The following SRGAP2B variants were observed in gnomAD, a reference collection of about 807,000 sequenced individuals.
SRGAP2B encodes SLIT-ROBO Rho GTPase-activating protein 2B.
SRGAP2B carries 9 observed loss-of-function variants against 22.2 expected under a neutral mutation model. The observed-to-expected ratio is 0.41, with a 90% confidence interval of 0.24 to 0.71. SRGAP2B has a LOEUF of 0.71. Ranked by LOEUF, SRGAP2B falls within the 30% of genes least tolerant of loss-of-function variation. The probability of loss-of-function intolerance (pLI) is 0.35; values close to 1 mark genes in which losing one functional copy is unlikely to be tolerated. For missense variants in SRGAP2B, 114 were observed against 235.8 expected, an observed-to-expected ratio of 0.48 and a Z score of 3.38; for synonymous variants, 36 against 87.4, an observed-to-expected ratio of 0.41 and a Z score of 3.28.
intron 3 of SRGAP2B, among the ~76,000 whole-genome samples, chr1:144,965,534 T>C (rs1668018098): frequency 6.9e-6 from 1 of 144,210 alleles, no homozygotes; most frequent in Non-Finnish European, 1.5e-5. Context: ...ACCTCAAAGA[T>C]GGGGAAAAAA....
chr1:145,001,846 T>C (rs1671193702), intron 2 of SRGAP2B, among the ~76,000 whole-genome samples: 1 of 150,346 alleles, frequency 6.7e-6, no homozygotes, highest in African/African-American at 2.5e-5. Flanking sequence ...CATGGCAAAA[T>C]CCCAGCTCTA....
intron 2 of SRGAP2B, among the ~76,000 whole-genome samples, chr1:145,080,317 G>T (rs1652810844): frequency 6.7e-6 from 1 of 148,216 alleles, no homozygotes; most frequent in South Asian, 2.1e-4. Flanking sequence ...CAGCTGTGAG[G>T]CACATCTTCC....
At position 144,986,803 on chromosome 1, in the gene SRGAP2B, T is replaced by C. The variant is rs57957261; in HGVS notation, c.260+8205A>G. Among the ~76,000 whole-genome samples, 4 of 149,508 alleles carry C rather than the reference T, an allele frequency of 2.7e-5. 1 individual carries two copies. The highest frequency in any genetic ancestry group is 6.6e-5 in the Admixed American group (1 of 15,056). Reference sequence around the variant, plus strand: ...CCCGAACCCTGTCGCCTGGCATTCATAGACCTCTTTAATCTTCTGGCCCCT... The same window carrying C: ...CCCGAACCCTGTCGCCTGGCATTCACAGACCTCTTTAATCTTCTGGCCCCT... On this transcript the variant is annotated intron_variant, in intron 3 of 9. Coordinates refer to ENST00000612199, the Ensembl canonical transcript of SRGAP2B.
chr1:144,983,194 C>T (rs1301350797), intron 3 of SRGAP2B, among the ~76,000 whole-genome samples: 1 of 142,206 alleles, frequency 7.0e-6, no homozygotes, highest in Non-Finnish European at 1.5e-5. Context: ...ACCTTCTGGT[C>T]TTCCACCCTT....
At chr1:145,065,295 G>A (rs1356209381) in intron 2 of SRGAP2B, among the ~76,000 whole-genome samples, 2 of 150,830 alleles carry the variant, frequency 1.3e-5, no homozygotes, top group African/African-American at 2.5e-5. Flanking sequence ...AAGCCTTGGA[G>A]AACTGCAACT....
chr1:144,922,710 C>A (rs1553604473), intron 4 of SRGAP2B, among the ~76,000 whole-genome samples: 1 of 150,322 alleles, frequency 6.7e-6, no homozygotes, highest in Non-Finnish European at 1.5e-5. Context: ...TATGGTTCGA[C>A]TGTGGGCATA....
intron 2 of SRGAP2B, among the ~76,000 whole-genome samples, chr1:145,008,832 C>T (rs1353465366): frequency 7.2e-6 from 1 of 138,296 alleles, no homozygotes; most frequent in Non-Finnish European, 1.5e-5. Flanking sequence ...CTAGATGAAA[C>T]TTATTAGTGG....
chr1:144,996,231 A>G (rs1265268308), intron 2 of SRGAP2B, among the ~76,000 whole-genome samples: 1 of 150,560 alleles, frequency 6.6e-6, no homozygotes, highest in Non-Finnish European at 1.5e-5. Flanking sequence ...GAAGGCTTGC[A>G]GTGTGTATCC....
At chr1:144,910,437 T>C (rs1663337407) in intron 5 of SRGAP2B, among the ~76,000 whole-genome samples, 1 of 146,854 alleles carries the variant, frequency 6.8e-6, no homozygotes, top group Non-Finnish European at 1.5e-5. Context: ...GTTGAGGGAC[T>C]ATTAAGTGCC....
intron 2 of SRGAP2B, among the ~76,000 whole-genome samples, chr1:145,090,014 A>T (rs1280941360): frequency 6.8e-6 from 1 of 146,410 alleles, no homozygotes; most frequent in Non-Finnish European, 1.5e-5. Context: ...CAAGATTTAA[A>T]CCTGAATCAC....
intron 2 of SRGAP2B, among the ~76,000 whole-genome samples, chr1:145,030,117 C>T (rs1648098671): frequency 6.7e-6 from 1 of 148,696 alleles, no homozygotes; most frequent in Non-Finnish European, 1.5e-5. Context: ...CCCTTTTGTT[C>T]TTACTCTCCT....
At chr1:144,988,742 T>C (rs1553616459) in intron 3 of SRGAP2B, among the ~76,000 whole-genome samples, 1 of 150,012 alleles carries the variant, frequency 6.7e-6, no homozygotes, top group African/African-American at 2.5e-5. Flanking sequence ...CAGTATGCCA[T>C]CTCCACCTGG....
intron 4 of SRGAP2B, among the ~76,000 whole-genome samples, chr1:144,924,593 G>T (rs1553347416): frequency 6.6e-6 from 1 of 150,632 alleles, no homozygotes; most frequent in African/African-American, 2.5e-5. Context: ...TTAGCCGGGC[G>T]TAGTGGCGGG....
intron 3 of SRGAP2B, among the ~76,000 whole-genome samples, chr1:144,956,102 T>C (rs1667236473): frequency 6.7e-6 from 1 of 150,292 alleles, no homozygotes; most frequent in Admixed American, 6.6e-5. Flanking sequence ...CTGAAGTCCA[T>C]CATTTTAGCC....
intron 4 of SRGAP2B, among the ~76,000 whole-genome samples, chr1:144,924,731 CAA>C (rs1156257790): frequency 1.0e-4 from 6 of 58,200 alleles, no homozygotes; most frequent in Non-Finnish European, 1.0e-4. Flanking sequence ...AACTCCGTCT[CAA>C]AAAAAAAAAA....
intron 2 of SRGAP2B, among the ~76,000 whole-genome samples, chr1:144,996,270 G>C (rs1223444299): frequency 2.0e-5 from 3 of 149,042 alleles, no homozygotes; most frequent in Non-Finnish European, 3.0e-5. Flanking sequence ...ATCCCCATCT[G>C]AGTCAGAATG....
intron 2 of SRGAP2B, among the ~76,000 whole-genome samples, chr1:145,007,053 T>C (rs1465498068): frequency 2.0e-5 from 3 of 149,982 alleles, no homozygotes; most frequent in East Asian, 3.9e-4. Context: ...TGGATTGTTA[T>C]GAAGAATAAA....
chr1:144,891,679 T>C (rs1662122637), exon 10 of SRGAP2B: 1 of 94,320 alleles, frequency 1.1e-5, no homozygotes, highest in Non-Finnish European at 2.0e-5. Flanking sequence ...ATGTGCAAAA[T>C]AGTAATGCTG....
In SRGAP2B at chr1:145,068,907, G is replaced by A. The variant is rs1486790633; in HGVS notation, c.67+23928C>T. ...AATAAGGTAAAATGTGTGTGTGTGT[G>A]TGTGTGTGTGTGTGTGTGTGTGTGT... On this transcript the variant is annotated intron_variant, in intron 2 of 9. Transcript: ENST00000612199. Among the ~76,000 whole-genome samples, 18 of 93,228 alleles carry A rather than the reference G, an allele frequency of 1.9e-4. 1 individual carries two copies. The South Asian group carries it at 2.5e-3, about 13-fold the overall frequency. The allele number at this position is 93,228 out of a possible 152,430, so 61.2% of individuals were successfully genotyped here.
Sources: allele counts gnomAD v4.1 joint callset (sites outside exome capture counted in the v4.1 genomes callset), GRCh38; gene constraint gnomAD v4.1.1; transcripts MANE v1.5; gene names NCBI Gene and HGNC (gene_info 2026-07-23, HGNC 2026-07-21).